The following IGF1 variants were observed in gnomAD, a reference collection of about 807,000 sequenced individuals.
IGF1 encodes the protein insulin-like growth factor 1.
Under a neutral mutation model 13.8 loss-of-function variants are expected in IGF1, and 4 were observed. The ratio of observed to expected loss-of-function variants is 0.29; its 90% CI spans 0.14 to 0.66. The LOEUF (loss-of-function observed/expected upper bound fraction) is 0.66, where lower values mean the gene tolerates loss of function less well. Ranked by LOEUF, IGF1 falls within the 30% of genes least tolerant of loss-of-function variation. IGF1 has a pLI of 0.78. For synonymous variants in IGF1, 76 were observed against 72.6 expected (o/e 1.05, Z -0.23); for missense variants, 124 against 188.5 (o/e 0.66, Z 2.00).
In IGF1 at chr12:102,480,521, T is replaced by C; in HGVS notation, c.-140A>G. ...TTTATTCCATTGCGCAGGCTCTATC[T>C]GCTCTGAATTTAGCAGTGACAGTGA... On this transcript the variant is annotated 5_prime_UTR_variant, in exon 1 of 4. Transcript: ENST00000337514. 2 of 1,519,756 alleles carry C rather than the reference T, an allele frequency of 1.3e-6. No homozygotes were observed. Among genetic ancestry groups the C allele is most frequent in the Non-Finnish European group, 1.8e-6 (2 of 1,134,426 alleles). The allele number at this position is 1,519,756 out of a possible 1,614,324, so 94.1% of individuals were successfully genotyped here.
chr12:102,464,333 C>T (rs1452677635), intron 2 of IGF1, among the ~76,000 whole-genome samples: 1 of 151,502 alleles, frequency 6.6e-6, no homozygotes, highest in Admixed American at 6.6e-5. Flanking sequence ...TATCTTCAAT[C>T]TCAGATCCAA....
Position 102,437,533 on chromosome 12 carries a change from A to G in IGF1, c.221-17843T>C, listed in dbSNP as rs560249561. On this transcript the variant is annotated intron_variant, in intron 2 of 3. Transcript: ENST00000337514. The stretch of plus-strand genomic sequence containing the variant: ...TCCAAACTAATGTCAAAAGACAAAT[A>G]CTATATGATCTCACTTGTATATGGA... Among the ~76,000 whole-genome samples the G allele has an allele frequency of 1.2e-4, 19 of 152,370 alleles. No homozygotes were observed. The East Asian group carries it at 3.7e-3, about 29-fold the overall frequency.
chr12:102,432,271 C>G (rs1876804755), intron 2 of IGF1, among the ~76,000 whole-genome samples: 1 of 152,172 alleles, frequency 6.6e-6, no homozygotes, highest in African/African-American at 2.4e-5. Context: ...GATATGCCAT[C>G]ATTTGTTGCT....
intron 2 of IGF1, 83 bp from the exon 3 acceptor site, chr12:102,419,773 C>T (rs1875535473): frequency 2.2e-6 from 3 of 1,356,090 alleles, no homozygotes; most frequent in Admixed American, 3.5e-5. Context: ...CCTCTCCCCA[C>T]AGCTAGTCAA....
intron 3 of IGF1, among the ~76,000 whole-genome samples, chr12:102,415,093 G>C (rs748466228): frequency 1.3e-5 from 2 of 152,198 alleles, no homozygotes; most frequent in East Asian, 3.8e-4. Flanking sequence ...ACTTGTATAA[G>C]CATAGCTCCT....
chr12:102,410,306 C>G (rs1320811706), intron 3 of IGF1, among the ~76,000 whole-genome samples: 1 of 152,160 alleles, frequency 6.6e-6, no homozygotes, highest in East Asian at 1.9e-4. Flanking sequence ...CAGGGCTCCC[C>G]AGACTGTTGA....
chr12:102,478,528 C>T, intron 1 of IGF1: 1 of 1,610,810 alleles, frequency 6.2e-7, no homozygotes, highest in South Asian at 1.1e-5. Context: ...TCTTTTACAG[C>T]AGGTCAGGGT....
At chr12:102,410,353 T>C (rs1331329230) in intron 3 of IGF1, among the ~76,000 whole-genome samples, 1 of 152,228 alleles carries the variant, frequency 6.6e-6, no homozygotes, top group Admixed American at 6.5e-5. Flanking sequence ...TGTTTGTTTG[T>C]GTTACATTTT....
At chr12:102,445,639 G>C (rs1299806987) in intron 2 of IGF1, among the ~76,000 whole-genome samples, 2 of 152,244 alleles carry the variant, frequency 1.3e-5, no homozygotes, top group Non-Finnish European at 2.9e-5. Context: ...ATTTGGGGCT[G>C]AGATGATGGG....
chr12:102,433,745 G>A (rs1033083190), intron 2 of IGF1, among the ~76,000 whole-genome samples: 17 of 152,022 alleles, frequency 1.1e-4, no homozygotes, highest in Admixed American at 2.0e-4. Context: ...GTGCACAAAC[G>A]GTACAAAGAG....
chr12:102,476,722 C>A lies in IGF1; in HGVS notation c.64-923G>T, dbSNP rs190990838. On this transcript the variant is annotated intron_variant, in intron 1 of 3. Transcript: ENST00000337514. ...ATCTCTTGGAGGGACTTATGTGTCA[C>A]TGTATCTATTTTATAGCAAAATATA... Among the ~76,000 whole-genome samples, 208 of 152,258 alleles carry A rather than the reference C, an allele frequency of 1.4e-3. 1 individual carries two copies. Among genetic ancestry groups the A allele is most frequent in the African/African-American group, 4.8e-3 (199 of 41,552 alleles).
chr12:102,467,139 T>C (rs538738851), intron 2 of IGF1, among the ~76,000 whole-genome samples: 1 of 152,266 alleles, frequency 6.6e-6, no homozygotes, highest in East Asian at 1.9e-4. Flanking sequence ...GAAAGACCCA[T>C]TTCATCAGGG....
In IGF1 at chr12:102,411,299, G is replaced by A. The variant is rs17879380; in HGVS notation, c.402+8210C>T. ...CACATCCCCAACTCTACAATTGTCG[G>A]CTGATTGAGAACCTTACTCAACCGT... is the stretch of plus-strand genomic sequence containing the variant. On this transcript the variant is annotated intron_variant, in intron 3 of 3. Coordinates refer to ENST00000337514, the MANE Select transcript of IGF1 (RefSeq NM_000618.5). Among the ~76,000 whole-genome samples, 379 of 152,242 alleles carry A rather than the reference G, an allele frequency of 2.5e-3. 1 individual carries two copies. The highest frequency in any genetic ancestry group is 4.7e-3 in the Admixed American group (72 of 15,294).
intron 3 of IGF1, among the ~76,000 whole-genome samples, chr12:102,407,326 A>G (rs536201406): frequency 6.6e-6 from 1 of 152,290 alleles, no homozygotes; most frequent in Admixed American, 6.5e-5. Flanking sequence ...GTCACAGAGG[A>G]ACAAACTGAT....
chr12:102,396,674 GA>G lies in IGF1; in HGVS notation c.*5832del. On this transcript the variant is annotated 3_prime_UTR_variant, in exon 4 of 4. Coordinates refer to ENST00000337514, the MANE Select transcript of IGF1 (RefSeq NM_000618.5). ...AAAAAGGCAGATTCTAAGGATTGTG[GA>G]AGGTCATGTTTTTGAAAGTGAAAGG... 2.6e-6 allele frequency: 1 copy of G among 388,402 alleles called. No individual in the cohort carries two copies. The highest frequency in any genetic ancestry group is 4.5e-6 in the Non-Finnish European group (1 of 220,168). 24.1% of individuals were successfully genotyped at this position (388,402 alleles called of 1,614,324 possible). A position where few individuals can be genotyped will look rare whatever the true frequency, so the allele number is the denominator to read the frequency against.
At chr12:102,415,560 T>TTCCTTCCTTCCTTCCTTCCG (rs1875046360) in intron 3 of IGF1, 1 of 137,666 alleles carries the variant, frequency 7.3e-6, no homozygotes, top group African/African-American at 2.7e-5. Context: ...CCTTCCTTCC[T>TTCCTTCCTTCCTTCCTTCCG]TCCTTCCTTC....
intron 3 of IGF1, among the ~76,000 whole-genome samples, chr12:102,414,515 A>C (rs904174427): frequency 6.6e-6 from 1 of 152,006 alleles, no homozygotes; most frequent in Non-Finnish European, 1.5e-5. Context: ...TCTGCCTCCC[A>C]GGTTCAAGGA....
At chr12:102,460,215 A>C (rs1879788848) in intron 2 of IGF1, among the ~76,000 whole-genome samples, 1 of 152,202 alleles carries the variant, frequency 6.6e-6, no homozygotes, top group Admixed American at 6.5e-5. Flanking sequence ...GGGTGGACCA[A>C]ACAAAACATG....
At chr12:102,440,814 A>C (rs1877649950) in intron 2 of IGF1, among the ~76,000 whole-genome samples, 1 of 152,172 alleles carries the variant, frequency 6.6e-6, no homozygotes, top group Non-Finnish European at 1.5e-5. Context: ...TTTAAGGCTT[A>C]AACAAACTGC....
Sources: allele counts gnomAD v4.1 joint callset (sites outside exome capture counted in the v4.1 genomes callset), GRCh38; gene constraint gnomAD v4.1.1; transcripts MANE v1.5; gene names NCBI Gene and HGNC (gene_info 2026-07-23, HGNC 2026-07-21).